Variants in SLC24A2 observed in about 807,000 individuals in gnomAD.
SLC24A2 encodes the protein sodium/potassium/calcium exchanger 2.
SLC24A2 carries 36 observed loss-of-function variants against 62.0 expected under a neutral mutation model. The ratio of observed to expected loss-of-function variants is 0.58; its 90% CI spans 0.44 to 0.77. The LOEUF (loss-of-function observed/expected upper bound fraction) is 0.77. Among genes scored for constraint, SLC24A2 ranks in the 30% least tolerant of loss-of-function variants. The pLI is 0.00. For missense variants in SLC24A2, 846 were observed against 817.9 expected, an observed-to-expected ratio of 1.03 and a Z score of -0.42; for synonymous variants, 358 against 294.0, an observed-to-expected ratio of 1.22 and a Z score of -2.23.
At chr9:20,167,590 T>C in the SLC24A2 span, among the ~76,000 whole-genome samples, 1 of 151,992 alleles carries the variant, frequency 6.6e-6, no homozygotes, top group South Asian at 2.1e-4. Context: ...CATTCCCCAG[T>C]AAAGGATCAG....
the SLC24A2 span, among the ~76,000 whole-genome samples, chr9:20,027,470 C>G: frequency 0.016 from 2,360 of 152,064 alleles, 34 homozygotes; most frequent in Middle Eastern, 0.027. Context: ...TATTTAACCA[C>G]AAAAAGGAAT....
chr9:20,001,803 C>G, the SLC24A2 span, among the ~76,000 whole-genome samples: 1 of 152,156 alleles, frequency 6.6e-6, no homozygotes, highest in Non-Finnish European at 1.5e-5. Flanking sequence ...AAAAGCTTCA[C>G]AAAGCAACAC....
the SLC24A2 span, among the ~76,000 whole-genome samples, chr9:20,073,725 C>T: frequency 6.6e-6 from 1 of 151,884 alleles, no homozygotes; most frequent in Non-Finnish European, 1.5e-5. Flanking sequence ...GGATCTTAAA[C>T]TAAAATTCTC....
In SLC24A2 at chr9:19,786,958, C is replaced by T; in HGVS notation, c.-92G>A. 6.6e-7 allele frequency: 1 copy of T among 1,526,532 alleles called. No individual in the cohort carries two copies. The highest frequency in any genetic ancestry group is 8.7e-7 in the Non-Finnish European group (1 of 1,142,930). 94.6% of individuals were successfully genotyped at this position (1,526,532 alleles called of 1,614,324 possible). On this transcript the variant is annotated 5_prime_UTR_variant, in exon 2 of 11. Transcript: ENST00000341998. The surrounding 1 kb of genome is among the most constrained non-coding windows in gnomAD (Gnocchi z 5.0). ...TTTCCTTACTTTATAGTTAACGATGCTTGTGGGGTACTTTCACAATCAGGG... is the reference window on the plus strand; with the variant it reads ...TTTCCTTACTTTATAGTTAACGATGTTTGTGGGGTACTTTCACAATCAGGG...
At chr9:20,092,129 A>C in the SLC24A2 span, among the ~76,000 whole-genome samples, 1 of 152,230 alleles carries the variant, frequency 6.6e-6, no homozygotes, top group Non-Finnish European at 1.5e-5. Context: ...ATCAGAAAAA[A>C]ATAACTATTG....
chr9:19,549,879 A>G (rs1470482424), intron 8 of SLC24A2, among the ~76,000 whole-genome samples: 1 of 152,208 alleles, frequency 6.6e-6, no homozygotes, highest in African/African-American at 2.4e-5. Context: ...TGTTATGCAG[A>G]TTTGATAACC....
the SLC24A2 span, among the ~76,000 whole-genome samples, chr9:20,080,292 G>A: frequency 6.6e-6 from 1 of 152,168 alleles, no homozygotes; most frequent in Non-Finnish European, 1.5e-5. Flanking sequence ...TAGACCAATG[G>A]AACAGAACAG....
chr9:20,084,443 CTTCCTTCCTTCCT>C, the SLC24A2 span, among the ~76,000 whole-genome samples: 1 of 151,868 alleles, frequency 6.6e-6, no homozygotes, highest in Non-Finnish European at 1.5e-5. Flanking sequence ...TTCTTCCTTT[CTTCCTTCCTTCCT>C]TTCCTTCCTT....
chr9:20,103,324 C>A, the SLC24A2 span, among the ~76,000 whole-genome samples: 5 of 152,278 alleles, frequency 3.3e-5, no homozygotes, highest in East Asian at 7.7e-4. Flanking sequence ...AAGTCCCTGT[C>A]TGACAGCTTT....
chr9:20,183,725 A>G, the SLC24A2 span, among the ~76,000 whole-genome samples: 2 of 152,240 alleles, frequency 1.3e-5, no homozygotes, highest in South Asian at 2.1e-4. Flanking sequence ...GGATGAAAGC[A>G]TAGACTCAAG....
At chr9:19,653,534 C>G (rs1254686009) in intron 2 of SLC24A2, among the ~76,000 whole-genome samples, 1 of 152,154 alleles carries the variant, frequency 6.6e-6, no homozygotes, top group African/African-American at 2.4e-5. Context: ...GTCTTCATTC[C>G]AATAGCTTTC....
the SLC24A2 span, among the ~76,000 whole-genome samples, chr9:20,159,930 CAATT>C: frequency 1.7e-4 from 26 of 151,380 alleles, no homozygotes; most frequent in African/African-American, 6.3e-4. Flanking sequence ...AACAATATGA[CAATT>C]GATACAGAAA....
the SLC24A2 span, among the ~76,000 whole-genome samples, chr9:20,129,015 A>T: frequency 1.3e-5 from 2 of 152,124 alleles, no homozygotes; most frequent in Non-Finnish European, 2.9e-5. Flanking sequence ...CACAGGATGG[A>T]GAAAATATTT....
chr9:20,133,984 G>A, the SLC24A2 span, among the ~76,000 whole-genome samples: 8 of 152,124 alleles, frequency 5.3e-5, no homozygotes, highest in African/African-American at 1.9e-4. Context: ...TGGCTGAGTT[G>A]AAAAGAAGGA....
At chr9:19,657,710 AC>A (rs1818981489) in intron 2 of SLC24A2, among the ~76,000 whole-genome samples, 1 of 152,128 alleles carries the variant, frequency 6.6e-6, no homozygotes, top group Non-Finnish European at 1.5e-5. Flanking sequence ...ACACTGCAGA[AC>A]CCTCAGTCTT....
the SLC24A2 span, among the ~76,000 whole-genome samples, chr9:19,918,564 G>C: frequency 6.6e-6 from 1 of 152,072 alleles, no homozygotes; most frequent in Non-Finnish European, 1.5e-5. Context: ...CTGTGTTGGA[G>C]CGTGGAAGCT....
chr9:20,233,192 T>C, the SLC24A2 span, among the ~76,000 whole-genome samples: 1 of 152,242 alleles, frequency 6.6e-6, no homozygotes, highest in Non-Finnish European at 1.5e-5. Context: ...CTGAAAAGAA[T>C]GTATATTCTG....
At chr9:19,991,767 AT>A in the SLC24A2 span, among the ~76,000 whole-genome samples, 9 of 152,298 alleles carry the variant, frequency 5.9e-5, no homozygotes, top group African/African-American at 1.9e-4. Context: ...GATGAGATTT[AT>A]TTTTCGGAAA....
the SLC24A2 span, among the ~76,000 whole-genome samples, chr9:19,998,933 C>G: frequency 1.3e-5 from 2 of 152,210 alleles, no homozygotes; most frequent in African/African-American, 4.8e-5. Flanking sequence ...ACAGAAGAAT[C>G]AGACCAGCAG....
Sources: gnomAD v4.1 joint callset for allele counts (sites outside exome capture counted in the v4.1 genomes callset) on GRCh38, gnomAD v4.1.1 for gene constraint, Gnocchi (gnomAD v3.1) non-coding constraint, MANE v1.5 for transcripts, NCBI Gene and HGNC (gene_info 2026-07-23, HGNC 2026-07-21) for gene names.